Variants in JARID2 observed in about 807,000 individuals in gnomAD.
JARID2 encodes the protein protein Jumonji.
A neutral mutation model predicts 125.6 loss-of-function variants in JARID2; 21 were observed. That is an observed-to-expected ratio of 0.17 (90% CI 0.12 to 0.24). The LOEUF is 0.24. Ranked by LOEUF, JARID2 falls within the 10% of genes least tolerant of loss-of-function variation. The probability of loss-of-function intolerance (pLI) is 1.00; values close to 1 mark genes in which losing one functional copy is unlikely to be tolerated. For synonymous variants in JARID2, 736 were observed against 661.6 expected, an observed-to-expected ratio of 1.11 and a Z score of -1.73; for missense variants, 1,303 against 1,639.6, an observed-to-expected ratio of 0.79 and a Z score of 3.55.
rs191379108 is a variant in JARID2, at chr6:15,334,738, A to G, written c.46-39379A>G. ...TGAGAGAGTGTACAACTCTAGATACAGAAGGCCTTTTGAAATTCTACACAA... is the reference window on the plus strand; with the variant it reads ...TGAGAGAGTGTACAACTCTAGATACGGAAGGCCTTTTGAAATTCTACACAA... On this transcript the variant is annotated intron_variant, in intron 1 of 17. Transcript: ENST00000341776. Among the ~76,000 whole-genome samples the G allele has an allele frequency of 1.1e-3, 160 of 152,310 alleles. 1 individual carries two copies. The highest frequency in any genetic ancestry group is 3.5e-3 in the African/African-American group (144 of 41,552).
chr6:15,492,307 G>C (rs527920556), intron 6 of JARID2, among the ~76,000 whole-genome samples: 1 of 152,236 alleles, frequency 6.6e-6, no homozygotes, highest in African/African-American at 2.4e-5. Context: ...TGTAGCCCAC[G>C]TCGGCGCTAA....
intron 3 of JARID2, among the ~76,000 whole-genome samples, chr6:15,412,232 G>C (rs1296740813): frequency 6.6e-6 from 1 of 152,114 alleles, no homozygotes; most frequent in East Asian, 1.9e-4. Flanking sequence ...TTGGGGATGG[G>C]CTGGGGCACT....
At chr6:15,374,081 A>T in intron 1 of JARID2, 36 bp from the exon 2 acceptor site, 1 of 1,605,308 alleles carries the variant, frequency 6.2e-7, no homozygotes, top group Non-Finnish European at 8.5e-7. Flanking sequence ...CTTGCTTTCT[A>T]TTCAGTAACT....
intron 1 of JARID2, among the ~76,000 whole-genome samples, chr6:15,326,709 C>T (rs1762544575): frequency 6.6e-6 from 1 of 152,204 alleles, no homozygotes; most frequent in Non-Finnish European, 1.5e-5. Flanking sequence ...CCATGTTGGC[C>T]TTACTGGTCT....
intron 6 of JARID2, 68 bp from the exon 7 acceptor site, chr6:15,496,064 G>T: frequency 7.5e-7 from 1 of 1,338,740 alleles, no homozygotes; most frequent in Non-Finnish European, 1.0e-6. Flanking sequence ...CTCACGGGTG[G>T]GCCGGTCATT....
intron 1 of JARID2, among the ~76,000 whole-genome samples, chr6:15,256,399 A>C (rs1480917967): frequency 6.6e-6 from 1 of 152,224 alleles, no homozygotes; most frequent in Admixed American, 6.5e-5. Context: ...AGAGGGATAG[A>C]TTGAGAATTA....
chr6:15,350,057 A>G (rs1763372318), intron 1 of JARID2, among the ~76,000 whole-genome samples: 1 of 152,120 alleles, frequency 6.6e-6, no homozygotes, highest in Non-Finnish European at 1.5e-5. Context: ...CCTGGATCTT[A>G]ATGTTGGATA....
At chr6:15,339,513 T>TA (rs1308304240) in intron 1 of JARID2, among the ~76,000 whole-genome samples, 1 of 150,758 alleles carries the variant, frequency 6.6e-6, no homozygotes, top group Non-Finnish European at 1.5e-5. Flanking sequence ...CAAGAACAGT[T>TA]ATCTCTCCCG....
chr6:15,437,571 T>C (rs1253565150), intron 3 of JARID2, among the ~76,000 whole-genome samples: 1 of 152,140 alleles, frequency 6.6e-6, no homozygotes, highest in Non-Finnish European at 1.5e-5. Context: ...AGGAACTTTT[T>C]CTCTACCCTC....
intron 1 of JARID2, among the ~76,000 whole-genome samples, chr6:15,275,060 G>A (rs1581354492): frequency 6.6e-6 from 1 of 152,176 alleles, no homozygotes; most frequent in South Asian, 2.1e-4. Context: ...CCTCTGTTTT[G>A]TTGGGTTACC....
At chr6:15,298,413 C>T (rs961411366) in intron 1 of JARID2, among the ~76,000 whole-genome samples, 6 of 151,902 alleles carry the variant, frequency 3.9e-5, no homozygotes, top group East Asian at 1.9e-4. Flanking sequence ...TTTTCGGGCT[C>T]GGTGGTTCAC....
At chr6:15,330,216 T>G (rs1027741772) in intron 1 of JARID2, among the ~76,000 whole-genome samples, 1 of 152,260 alleles carries the variant, frequency 6.6e-6, no homozygotes, top group Non-Finnish European at 1.5e-5. Context: ...GTCTGCTTTT[T>G]CATTCACCAT....
At chr6:15,323,641 T>C (rs1261489844) in intron 1 of JARID2, among the ~76,000 whole-genome samples, 2 of 152,194 alleles carry the variant, frequency 1.3e-5, no homozygotes, top group East Asian at 1.9e-4. Flanking sequence ...AGAAAATTCC[T>C]TTTGTTGGGT....
chr6:15,466,481 G>A (rs1240979658), intron 4 of JARID2, among the ~76,000 whole-genome samples: 1 of 152,202 alleles, frequency 6.6e-6, no homozygotes, highest in Non-Finnish European at 1.5e-5. Flanking sequence ...GAAATTTAAT[G>A]GCAGAGTCTA....
At chr6:15,260,812 C>CT (rs1759844247) in intron 1 of JARID2, among the ~76,000 whole-genome samples, 1 of 152,204 alleles carries the variant, frequency 6.6e-6, no homozygotes, top group Non-Finnish European at 1.5e-5. Context: ...ATACCTGAAG[C>CT]TAAAAAGTGG....
chr6:15,374,087 T>G (rs1764264099), intron 1 of JARID2, 30 bp from the exon 2 acceptor site: 4 of 1,608,376 alleles, frequency 2.5e-6, no homozygotes, highest in Non-Finnish European at 3.4e-6. Flanking sequence ...TTCTATTCAG[T>G]AACTCCTCTC....
At chr6:15,494,229 G>T (rs1251213241) in intron 6 of JARID2, among the ~76,000 whole-genome samples, 2 of 152,096 alleles carry the variant, frequency 1.3e-5, no homozygotes, top group Non-Finnish European at 2.9e-5. Flanking sequence ...ACTTCATTCA[G>T]TGGTTCCAAG....
At chr6:15,405,099 A>C (rs1765595196) in intron 2 of JARID2, among the ~76,000 whole-genome samples, 1 of 152,096 alleles carries the variant, frequency 6.6e-6, no homozygotes. Flanking sequence ...TCTTTGGCCT[A>C]ATTTGTGTTT....
intron 1 of JARID2, among the ~76,000 whole-genome samples, chr6:15,320,728 C>T (rs1020810585): frequency 3.3e-5 from 5 of 152,032 alleles, no homozygotes; most frequent in African/African-American, 9.7e-5. Flanking sequence ...TACTGTATTT[C>T]ATTTGTGGAG....
Sources: gnomAD v4.1 joint callset for allele counts (sites outside exome capture counted in the v4.1 genomes callset) on GRCh38, gnomAD v4.1.1 for gene constraint, MANE v1.5 for transcripts, NCBI Gene and HGNC (gene_info 2026-07-23, HGNC 2026-07-21) for gene names.